RSRC1: variants seen among roughly 807,000 people sequenced by gnomAD.
RSRC1 encodes serine/Arginine-related protein 53.
A neutral mutation model predicts 49.1 loss-of-function variants in RSRC1; 39 were observed. That is an observed-to-expected ratio of 0.79 (90% CI 0.61 to 1.04). The LOEUF (loss-of-function observed/expected upper bound fraction) is 1.04, where lower values mean the gene tolerates loss of function less well. Among genes scored for constraint, RSRC1 ranks in the 50% least tolerant of loss-of-function variants. RSRC1 has a pLI of 0.00. For missense variants in RSRC1, 388 were observed against 402.4 expected (o/e 0.96, Z 0.31); for synonymous variants, 143 against 130.8 (o/e 1.09, Z -0.63).
chr3:158,488,177 T>A (rs1560062828), intron 7 of RSRC1, among the ~76,000 whole-genome samples: 2 of 152,080 alleles, frequency 1.3e-5, no homozygotes, highest in Admixed American at 6.6e-5. Flanking sequence ...AAAATATGTT[T>A]CTCTCATCTT....
chr3:158,228,230 T>G lies in RSRC1; in HGVS notation c.494+24985T>G, dbSNP rs910120399. 2.3e-4 allele frequency among the ~76,000 whole-genome samples: 35 copies of G among 152,074 alleles called. 1 individual carries two copies. Among genetic ancestry groups the G allele is most frequent in the Admixed American group, 2.0e-3 (30 of 15,230 alleles). On this transcript the variant is annotated intron_variant, in intron 4 of 9. Coordinates refer to ENST00000611884, the MANE Select transcript of RSRC1 (RefSeq NM_001271838.2). ...TTTAATGATGGTATTCTTTAACTAT[T>G]AGGAAAGGGATGGATGCTGACAGAC...
At chr3:158,285,458 G>T (rs1323072596) in intron 4 of RSRC1, among the ~76,000 whole-genome samples, 1 of 152,154 alleles carries the variant, frequency 6.6e-6, no homozygotes, top group Non-Finnish European at 1.5e-5. Context: ...GATAGGGATG[G>T]CATTGAATCT....
rs762913228 is a variant in RSRC1, at chr3:158,203,259, A to C, written c.494+14A>C. 1 of 1,562,458 alleles carries C rather than the reference A, an allele frequency of 6.4e-7. No homozygotes were observed. Among genetic ancestry groups the C allele is most frequent in the Non-Finnish European group, 8.7e-7 (1 of 1,152,308 alleles). On this transcript the variant is annotated intron_variant, in intron 4 of 9. Coordinates refer to ENST00000611884, the MANE Select transcript of RSRC1 (RefSeq NM_001271838.2). ...CATCAAACGTGGGTAAGTTGGAGCA[A>C]ATCTTATCTGGTAAGGACTTGGTGA...
chr3:158,149,347 T>C (rs1717368851), intron 3 of RSRC1, among the ~76,000 whole-genome samples: 1 of 152,182 alleles, frequency 6.6e-6, no homozygotes, highest in South Asian at 2.1e-4. Flanking sequence ...CTAATAATTC[T>C]TATATGGGAT....
chr3:158,141,950 T>C (rs1716774797), intron 3 of RSRC1, among the ~76,000 whole-genome samples: 1 of 151,944 alleles, frequency 6.6e-6, no homozygotes, highest in Non-Finnish European at 1.5e-5. Flanking sequence ...ATACAATAAT[T>C]AGCCGGGCGT....
chr3:158,317,474 C>T (rs1249099147), intron 5 of RSRC1, among the ~76,000 whole-genome samples: 1 of 152,182 alleles, frequency 6.6e-6, no homozygotes, highest in East Asian at 1.9e-4. Flanking sequence ...AAGTGATCCA[C>T]CCGCCTTGGC....
intron 5 of RSRC1, among the ~76,000 whole-genome samples, chr3:158,322,185 G>A (rs1056687818): frequency 6.6e-6 from 1 of 152,124 alleles, no homozygotes; most frequent in East Asian, 1.9e-4. Flanking sequence ...CTATGTGAAT[G>A]TTTTTATTTC....
intron 5 of RSRC1, among the ~76,000 whole-genome samples, chr3:158,329,880 A>G (rs530830035): frequency 3.6e-4 from 55 of 152,274 alleles, no homozygotes; most frequent in African/African-American, 1.3e-3. Flanking sequence ...GGTGGGCTCC[A>G]CCCAGTTCGA....
chr3:158,358,689 A>G lies in RSRC1; in HGVS notation c.583+3781A>G, dbSNP rs1309226219. 5.9e-5 allele frequency among the ~76,000 whole-genome samples: 9 copies of G among 152,114 alleles called. No homozygotes were observed. The South Asian group carries it at 1.7e-3, about 28-fold the overall frequency. On this transcript the variant is annotated intron_variant, in intron 6 of 9. Transcript: ENST00000611884. ...CATTCACAGTTTTGTACAACCATCA[A>G]TTCTATCTAGTTCTAAACATTGCAA...
chr3:158,420,834 A>G (rs1404351571), intron 6 of RSRC1, among the ~76,000 whole-genome samples: 1 of 151,990 alleles, frequency 6.6e-6, no homozygotes, highest in African/African-American at 2.4e-5. Context: ...CTATATGCAG[A>G]CAACTCTGTT....
chr3:158,381,305 G>A (rs941464329), intron 6 of RSRC1, among the ~76,000 whole-genome samples: 2 of 152,130 alleles, frequency 1.3e-5, no homozygotes, highest in African/African-American at 4.8e-5. Context: ...GCCACCTCCT[G>A]TTGCTATTGT....
At chr3:158,319,678 A>G (rs1335528758) in intron 5 of RSRC1, among the ~76,000 whole-genome samples, 1 of 152,168 alleles carries the variant, frequency 6.6e-6, no homozygotes, top group Non-Finnish European at 1.5e-5. Context: ...TAGATCTTAT[A>G]TTGTTGCATA....
intron 8 of RSRC1, among the ~76,000 whole-genome samples, chr3:158,542,008 A>G (rs75974518): frequency 3.0e-4 from 45 of 152,320 alleles, no homozygotes; most frequent in Non-Finnish European, 6.2e-4. Context: ...TATGGTTTGC[A>G]TGATGGTATA....
chr3:158,165,174 CTATT>C (rs1451521557), intron 3 of RSRC1, among the ~76,000 whole-genome samples: 1 of 152,124 alleles, frequency 6.6e-6, no homozygotes, highest in African/African-American at 2.4e-5. Context: ...AGAACCATAA[CTATT>C]TATAAGATAA....
At chr3:158,498,230 A>G (rs1168311384) in intron 7 of RSRC1, among the ~76,000 whole-genome samples, 2 of 135,178 alleles carry the variant, frequency 1.5e-5, no homozygotes, top group African/African-American at 2.6e-5. Flanking sequence ...CCATGCCAAC[A>G]TCTTTTTTTT....
At chr3:158,265,525 G>A (rs540777123) in intron 4 of RSRC1, among the ~76,000 whole-genome samples, 2 of 152,168 alleles carry the variant, frequency 1.3e-5, no homozygotes, top group African/African-American at 4.8e-5. Flanking sequence ...CAGCTACTCA[G>A]GAAGCTGAGA....
At chr3:158,110,707 T>C (rs1007048796) in intron 1 of RSRC1, 1 of 152,604 alleles carries the variant, frequency 6.6e-6, no homozygotes, top group African/African-American at 2.4e-5. Context: ...CGCCCTACCC[T>C]TTCTGGCTCA....
At chr3:158,348,506 A>T (rs60336101) in intron 5 of RSRC1, among the ~76,000 whole-genome samples, 65,225 of 151,996 alleles carry the variant, frequency 0.43, 14,863 homozygotes, top group South Asian at 0.59. Context: ...GAGAATGGTC[A>T]TCTCCACAGG....
At chr3:158,124,769 A>T (rs747887328) in intron 3 of RSRC1, among the ~76,000 whole-genome samples, 2 of 146,944 alleles carry the variant, frequency 1.4e-5, no homozygotes, top group Non-Finnish European at 3.0e-5. Context: ...CTGCTGTTTC[A>T]TTTCTGATTT....
Sources: allele counts gnomAD v4.1 joint callset (sites outside exome capture counted in the v4.1 genomes callset), GRCh38; gene constraint gnomAD v4.1.1; transcripts MANE v1.5; gene names NCBI Gene and HGNC (gene_info 2026-07-23, HGNC 2026-07-21).